Variants in ENOX1 observed in about 807,000 individuals in gnomAD.
ENOX1 encodes ecto-NOX disulfide-thiol exchanger 1, also known as candidate growth-related and time keeping constitutive hydroquinone (NADH) oxidase.
A neutral mutation model predicts 82.5 loss-of-function variants in ENOX1; 42 were observed. The ratio of observed to expected loss-of-function variants is 0.51; its 90% CI spans 0.40 to 0.66. The LOEUF (loss-of-function observed/expected upper bound fraction) is 0.66, where lower values mean the gene tolerates loss of function less well. ENOX1 is among the 30% of genes least tolerant of loss of function. The pLI is 0.00. For missense variants in ENOX1, 608 were observed against 811.6 expected, an observed-to-expected ratio of 0.75 and a Z score of 3.05; for synonymous variants, 271 against 282.2, an observed-to-expected ratio of 0.96 and a Z score of 0.40.
At chr13:43,459,799 C>A (rs919097124) in intron 3 of ENOX1, among the ~76,000 whole-genome samples, 1 of 152,184 alleles carries the variant, frequency 6.6e-6, no homozygotes, top group African/African-American at 2.4e-5. Context: ...TGAGGCCAGC[C>A]TGACCAACAT....
At chr13:43,502,511 C>T (rs968915636) in intron 2 of ENOX1, among the ~76,000 whole-genome samples, 11 of 151,474 alleles carry the variant, frequency 7.3e-5, no homozygotes, top group Non-Finnish European at 1.2e-4. Context: ...TCATACACCA[C>T]GAGCAAATGG....
intron 1 of ENOX1, among the ~76,000 whole-genome samples, chr13:43,755,768 A>C (rs1446824682): frequency 2.6e-5 from 4 of 152,212 alleles, no homozygotes; most frequent in African/African-American, 9.6e-5. Flanking sequence ...TAAAATAGGT[A>C]AAATGGCAAG....
intron 1 of ENOX1, among the ~76,000 whole-genome samples, chr13:43,770,517 T>G (rs1260649856): frequency 2.6e-5 from 4 of 152,218 alleles, no homozygotes; most frequent in African/African-American, 9.6e-5. Context: ...TGTATTACAA[T>G]GAAAGGCATC....
chr13:43,491,984 C>T (rs560351689), intron 2 of ENOX1, among the ~76,000 whole-genome samples: 9 of 152,244 alleles, frequency 5.9e-5, no homozygotes, highest in Non-Finnish European at 2.9e-5. Flanking sequence ...GGTCTGCTCA[C>T]TATGTTATAT....
intron 1 of ENOX1, among the ~76,000 whole-genome samples, chr13:43,725,826 G>C (rs1388436736): frequency 6.6e-6 from 1 of 151,660 alleles, no homozygotes; most frequent in Non-Finnish European, 1.5e-5. Flanking sequence ...AAGAAGCTAG[G>C]CATGGTGGTA....
At chr13:43,773,958 T>C (rs1265244643) in intron 1 of ENOX1, among the ~76,000 whole-genome samples, 8 of 152,164 alleles carry the variant, frequency 5.3e-5, no homozygotes, top group South Asian at 2.1e-4. Context: ...ATAATCGCAA[T>C]ATGATATGAA....
chr13:43,676,255 G>A (rs1439408548), intron 1 of ENOX1, among the ~76,000 whole-genome samples: 1 of 152,112 alleles, frequency 6.6e-6, no homozygotes, highest in East Asian at 1.9e-4. Flanking sequence ...AGAGTTCACA[G>A]GTCTGGTCTT....
intron 5 of ENOX1, among the ~76,000 whole-genome samples, chr13:43,382,289 C>T (rs73469669): frequency 0.014 from 2,118 of 152,158 alleles, 58 homozygotes; most frequent in African/African-American, 0.049. Flanking sequence ...GCAGAAAAAG[C>T]GTCTGATGAA....
At chr13:43,746,884 T>C (rs1950050187) in intron 1 of ENOX1, among the ~76,000 whole-genome samples, 2 of 152,160 alleles carry the variant, frequency 1.3e-5, no homozygotes, top group Non-Finnish European at 2.9e-5. Context: ...TGAAATGCAA[T>C]CTGAACTTCA....
At chr13:43,774,243 T>A (rs935904698) in intron 1 of ENOX1, among the ~76,000 whole-genome samples, 2 of 152,140 alleles carry the variant, frequency 1.3e-5, no homozygotes, top group Non-Finnish European at 1.5e-5. Context: ...CTGAAATGGA[T>A]CAAAGACTAG....
intron 1 of ENOX1, among the ~76,000 whole-genome samples, chr13:43,757,853 A>G (rs976342006): frequency 6.6e-6 from 1 of 152,204 alleles, no homozygotes; most frequent in African/African-American, 2.4e-5. Flanking sequence ...ATAAAAACCT[A>G]TGTTCAAACA....
intron 1 of ENOX1, among the ~76,000 whole-genome samples, chr13:43,771,833 T>C (rs971814059): frequency 6.6e-6 from 1 of 151,862 alleles, no homozygotes; most frequent in Admixed American, 6.6e-5. Context: ...GGCGCCATCT[T>C]GGCTCACTGC....
chr13:43,782,621 T>C (rs924605740), intron 1 of ENOX1, among the ~76,000 whole-genome samples: 4 of 152,168 alleles, frequency 2.6e-5, no homozygotes, highest in Non-Finnish European at 5.9e-5. Context: ...CTCCAATCAG[T>C]CAATGTCAAG....
At chr13:43,383,872 C>G (rs2052235642) in intron 5 of ENOX1, among the ~76,000 whole-genome samples, 1 of 152,212 alleles carries the variant, frequency 6.6e-6, no homozygotes, top group African/African-American at 2.4e-5. Flanking sequence ...TAATGACTCT[C>G]AATTCTGAGC....
chr13:43,689,015 G>A (rs57644257), intron 1 of ENOX1, among the ~76,000 whole-genome samples: 28 of 152,028 alleles, frequency 1.8e-4, no homozygotes, highest in Admixed American at 1.3e-3. Context: ...GGCCAGGGCT[G>A]GGGGAGGACA....
At chr13:43,785,760 C>T (rs1566925674) in intron 1 of ENOX1, among the ~76,000 whole-genome samples, 1 of 152,172 alleles carries the variant, frequency 6.6e-6, no homozygotes, top group South Asian at 2.1e-4. Context: ...CAGAACCACC[C>T]CCCTTCCGAA....
At chr13:43,358,175 G>C (rs2050267258) in intron 7 of ENOX1, among the ~76,000 whole-genome samples, 1 of 152,206 alleles carries the variant, frequency 6.6e-6, no homozygotes, top group Non-Finnish European at 1.5e-5. Flanking sequence ...ATCTTTGTCA[G>C]TGTCTTATGA....
intron 2 of ENOX1, among the ~76,000 whole-genome samples, chr13:43,514,902 C>A (rs868400073): frequency 2.3e-4 from 35 of 152,224 alleles, no homozygotes; most frequent in Admixed American, 9.2e-4. Flanking sequence ...GTAGCCCCCC[C>A]TTCCTAAAAT....
At chr13:43,514,570 G>A (rs2077489529) in intron 2 of ENOX1, among the ~76,000 whole-genome samples, 1 of 151,974 alleles carries the variant, frequency 6.6e-6, no homozygotes, top group African/African-American at 2.4e-5. Context: ...GCCTTCCTCT[G>A]TTTCCTCCCC....
Sources: allele counts gnomAD v4.1 joint callset (sites outside exome capture counted in the v4.1 genomes callset), GRCh38; gene constraint gnomAD v4.1.1; transcripts MANE v1.5; gene names NCBI Gene and HGNC (gene_info 2026-07-23, HGNC 2026-07-21).